SPATA9: variants seen among roughly 807,000 people sequenced by gnomAD.
The protein encoded by SPATA9 is spermatogenesis-associated protein 9.
A neutral mutation model predicts 25.5 loss-of-function variants in SPATA9; 27 were observed. The ratio of observed to expected loss-of-function variants is 1.06; its 90% confidence interval spans 0.78 to 1.46. The LOEUF (loss-of-function observed/expected upper bound fraction) is 1.46. SPATA9 is among the 40% of genes most tolerant of loss of function. SPATA9 has a pLI of 0.00. For synonymous variants in SPATA9, 102 were observed against 105.7 expected (o/e 0.97, Z 0.21); for missense variants, 282 against 297.5 (o/e 0.95, Z 0.38).
the SPATA9 span, chr5:95,731,716 C>T: frequency 3.7e-6 from 6 of 1,613,070 alleles, no homozygotes; most frequent in East Asian, 1.3e-4. Context: ...GCCATTGTCT[C>T]TCTCCAGCGC....
At chr5:95,674,162 T>A (rs1465496721) in intron 3 of SPATA9, among the ~76,000 whole-genome samples, 1 of 152,284 alleles carries the variant, frequency 6.6e-6, no homozygotes, top group African/African-American at 2.4e-5. Flanking sequence ...CTTTTATGAA[T>A]GCTGCTCTCA....
downstream of SPATA9, chr5:95,655,809 T>C (rs1257141219): frequency 6.6e-6 from 3 of 454,044 alleles, no homozygotes; most frequent in Admixed American, 7.7e-5. Flanking sequence ...CATGGTTTAG[T>C]TGCCTGAGCA....
chr5:95,731,417 C>T, the SPATA9 span: 7 of 1,189,520 alleles, frequency 5.9e-6, no homozygotes, highest in African/African-American at 1.6e-5. Flanking sequence ...GGCTGTGCGG[C>T]GGTCCCGCGC....
the SPATA9 span, among the ~76,000 whole-genome samples, chr5:95,715,406 A>G: frequency 1.3e-5 from 2 of 152,196 alleles, no homozygotes; most frequent in African/African-American, 4.8e-5. Context: ...AAGGCAGCAT[A>G]GTATTGACAG....
At chr5:95,696,700 G>A (rs1279986469) in intron 1 of SPATA9, among the ~76,000 whole-genome samples, 1 of 152,126 alleles carries the variant, frequency 6.6e-6, no homozygotes. Context: ...AACATAGCAA[G>A]ACCCAGTCTT....
intron 2 of SPATA9, among the ~76,000 whole-genome samples, chr5:95,676,012 G>A (rs1456079137): frequency 6.6e-6 from 1 of 151,800 alleles, no homozygotes; most frequent in East Asian, 1.9e-4. Context: ...AGTATAGACC[G>A]AGTTTCACCA....
At chr5:95,687,714 G>A (rs934482884), upstream of SPATA9, among the ~76,000 whole-genome samples, 2 of 152,116 alleles carry the variant, frequency 1.3e-5, no homozygotes, top group Admixed American at 6.6e-5. Context: ...GGAGAGAATC[G>A]GCAACATTAG....
At chr5:95,716,852 G>C in the SPATA9 span, 1 of 152,176 alleles carries the variant, frequency 6.6e-6, no homozygotes, top group Admixed American at 6.5e-5. Flanking sequence ...TCTCATGATA[G>C]TGAATAAGTC....
the SPATA9 span, chr5:95,730,921 A>C: frequency 2.2e-6 from 1 of 458,814 alleles, no homozygotes; most frequent in Admixed American, 2.4e-5. Context: ...GTCAAGGCCA[A>C]GAGGGGGGGA....
At chr5:95,692,021 A>C (rs1277710788) in intron 1 of SPATA9, among the ~76,000 whole-genome samples, 1 of 152,088 alleles carries the variant, frequency 6.6e-6, no homozygotes. Flanking sequence ...CTGTCTTTAC[A>C]TTTTTGGAAA....
intron 2 of SPATA9, among the ~76,000 whole-genome samples, chr5:95,681,254 A>G (rs944726015): frequency 6.6e-6 from 1 of 152,036 alleles, no homozygotes; most frequent in African/African-American, 2.4e-5. Context: ...ACTATTTCCT[A>G]TCTCAACCCT....
At chr5:95,721,676 G>C in the SPATA9 span, among the ~76,000 whole-genome samples, 2 of 142,000 alleles carry the variant, frequency 1.4e-5, no homozygotes, top group Non-Finnish European at 3.0e-5. Flanking sequence ...AGGAATATCT[G>C]ATTCTACTGA....
Position 95,664,000 on chromosome 5 carries a change from C to A in SPATA9, c.427G>T (p.Ala143Ser). The A allele has an allele frequency of 6.3e-7, 1 of 1,598,150 alleles. No homozygotes were observed. The highest frequency in any genetic ancestry group is 8.5e-7 in the Non-Finnish European group (1 of 1,170,536). The change falls in exon 4 of 5, where the codon GCT becomes TCT. Residue 143 changes from alanine to serine, a missense_variant. Coordinates refer to ENST00000274432, the MANE Select transcript of SPATA9 (RefSeq NM_031952.4). Reference sequence around the variant, plus strand: ...GAAGCATATATTATGCTAGTTAAAGCAGTCTTTGCTGGAAAGGAGATGATT... The same window carrying A: ...GAAGCATATATTATGCTAGTTAAAGAAGTCTTTGCTGGAAAGGAGATGATT... Reference protein sequence around the residue: ...FEIISFPAKTALTSIIYASYA... With the variant: ...FEIISFPAKTSLTSIIYASYA...
At chr5:95,693,695 A>G (rs1753945046) in intron 1 of SPATA9, among the ~76,000 whole-genome samples, 1 of 152,198 alleles carries the variant, frequency 6.6e-6, no homozygotes, top group Non-Finnish European at 1.5e-5. Context: ...TCCCCTGATT[A>G]AAAAATAGGT....
chr5:95,684,387 T>G (rs139884230), upstream of SPATA9, among the ~76,000 whole-genome samples: 1 of 152,192 alleles, frequency 6.6e-6, no homozygotes, highest in Admixed American at 6.5e-5. Context: ...CATCCCCTAG[T>G]TCTTTTTATC....
chr5:95,681,364 G>C (rs973858158), intron 2 of SPATA9, among the ~76,000 whole-genome samples: 1 of 152,134 alleles, frequency 6.6e-6, no homozygotes, highest in African/African-American at 2.4e-5. Flanking sequence ...AGTGGAATAT[G>C]CTTCCCTGCC....
At chr5:95,726,299 C>T in the SPATA9 span, among the ~76,000 whole-genome samples, 3 of 151,928 alleles carry the variant, frequency 2.0e-5, no homozygotes, top group East Asian at 3.9e-4. Flanking sequence ...GAGTGTGTTG[C>T]TTTTTGACTT....
intron 1 of SPATA9, among the ~76,000 whole-genome samples, chr5:95,691,772 T>C (rs1753901732): frequency 6.6e-6 from 1 of 152,208 alleles, no homozygotes; most frequent in South Asian, 2.1e-4. Context: ...ATGTTGTTCC[T>C]GTTTTCAATT....
the SPATA9 span, chr5:95,731,321 A>AGCAGCG: frequency 1.6e-5 from 17 of 1,074,958 alleles, no homozygotes; most frequent in African/African-American, 1.0e-4. Context: ...GAGGAGGAGG[A>AGCAGCG]GCAGCGGCAG....
Sources: gnomAD v4.1 joint callset for allele counts (sites outside exome capture counted in the v4.1 genomes callset) on GRCh38, gnomAD v4.1.1 for gene constraint, MANE v1.5 for transcripts, NCBI Gene and HGNC (gene_info 2026-07-23, HGNC 2026-07-21) for gene names.